Variants in ASPH observed in about 807,000 individuals in gnomAD.
ASPH encodes the protein aspartate beta-hydroxylase, also known as aspartyl/asparaginyl beta-hydroxylase.
Under a neutral mutation model 118.4 loss-of-function variants are expected in ASPH, and 100 were observed. That is an observed-to-expected ratio of 0.84 (90% confidence interval 0.72 to 1.00). ASPH has a LOEUF of 1.00. Among genes scored for constraint, ASPH ranks in the 50% least tolerant of loss-of-function variants. ASPH has a pLI of 0.00. For synonymous variants in ASPH, 315 were observed against 325.6 expected, an observed-to-expected ratio of 0.97 and a Z score of 0.35; for missense variants, 920 against 919.5, an observed-to-expected ratio of 1.00 and a Z score of -0.01.
intron 22 of ASPH, among the ~76,000 whole-genome samples, chr8:61,521,118 C>T (rs552032851): frequency 6.6e-6 from 1 of 152,142 alleles, no homozygotes; most frequent in Admixed American, 6.5e-5. Flanking sequence ...ATGAGAGTGC[C>T]TCATTTGATG....
intron 1 of ASPH, among the ~76,000 whole-genome samples, chr8:61,688,693 C>T (rs1167979963): frequency 6.6e-6 from 1 of 152,160 alleles, no homozygotes; most frequent in African/African-American, 2.4e-5. Context: ...TTTTTCCATG[C>T]TATAAAATGT....
At chr8:61,644,191 G>A (rs1480320369) in intron 7 of ASPH, among the ~76,000 whole-genome samples, 190 bp from the exon 8 acceptor site, 1 of 152,236 alleles carries the variant, frequency 6.6e-6, no homozygotes, top group African/African-American at 2.4e-5. Context: ...GATGAGTAAG[G>A]GGGGCCTGTC....
chr8:61,655,751 C>T (rs1813350188), intron 3 of ASPH, among the ~76,000 whole-genome samples: 1 of 151,982 alleles, frequency 6.6e-6, no homozygotes, highest in African/African-American at 2.4e-5. Context: ...AGCAAAAGCA[C>T]AGAGCAAAAA....
chr8:61,570,484 A>G (rs1184987784), intron 16 of ASPH, among the ~76,000 whole-genome samples: 1 of 152,184 alleles, frequency 6.6e-6, no homozygotes, highest in Non-Finnish European at 1.5e-5. Flanking sequence ...TGGAATAAAC[A>G]TCTTTAAACT....
chr8:61,504,482 C>T (rs936011614), intron 24 of ASPH, among the ~76,000 whole-genome samples: 8 of 152,044 alleles, frequency 5.3e-5, no homozygotes, highest in South Asian at 4.1e-4. Flanking sequence ...GTTTTCTGTG[C>T]GAAAACTAGT....
intron 3 of ASPH, among the ~76,000 whole-genome samples, chr8:61,655,333 G>A (rs1373247254): frequency 6.6e-6 from 1 of 152,124 alleles, no homozygotes; most frequent in African/African-American, 2.4e-5. Context: ...CCGTATTTCT[G>A]CTCCAGCATC....
chr8:61,617,932 C>CAAAAAAA (rs10674052), intron 14 of ASPH, among the ~76,000 whole-genome samples: 2 of 87,864 alleles, frequency 2.3e-5, no homozygotes, highest in Admixed American at 1.3e-4. Context: ...GACGCCATCT[C>CAAAAAAA]AAAAAAAAAA....
At chr8:61,539,925 G>C (rs1347823843) in intron 21 of ASPH, among the ~76,000 whole-genome samples, 5 of 152,024 alleles carry the variant, frequency 3.3e-5, no homozygotes, top group Non-Finnish European at 7.4e-5. Context: ...AGCTTTAATG[G>C]CTTTTCTCTA....
chr8:61,650,518 C>G (rs1309501532), intron 5 of ASPH, among the ~76,000 whole-genome samples: 1 of 152,094 alleles, frequency 6.6e-6, no homozygotes, highest in Non-Finnish European at 1.5e-5. Flanking sequence ...AACGTTAGTT[C>G]CTGGGTTATT....
intron 14 of ASPH, among the ~76,000 whole-genome samples, chr8:61,597,209 A>AC (rs1842738139): frequency 6.6e-6 from 1 of 150,862 alleles, no homozygotes; most frequent in Non-Finnish European, 1.5e-5. Context: ...AAAAAAAAAA[A>AC]AAAAAACAAT....
intron 21 of ASPH, among the ~76,000 whole-genome samples, chr8:61,540,918 C>G (rs755889720): frequency 6.6e-6 from 1 of 151,496 alleles, no homozygotes; most frequent in Admixed American, 6.6e-5. Context: ...CATGGTGAAA[C>G]GCCATCTTTA....
intron 16 of ASPH, among the ~76,000 whole-genome samples, chr8:61,576,285 C>A (rs1161519030): frequency 6.6e-6 from 1 of 152,090 alleles, no homozygotes; most frequent in African/African-American, 2.4e-5. Context: ...TAGAAAAAGC[C>A]AGATAAGAAA....
intron 15 of ASPH, chr8:61,579,121 G>T (rs1278650025): frequency 7.4e-6 from 12 of 1,611,070 alleles, no homozygotes; most frequent in Non-Finnish European, 1.0e-5. Context: ...GATGACCTGT[G>T]GCGCACAAAG....
chr8:61,707,032 A>C (rs148564336), intron 1 of ASPH, among the ~76,000 whole-genome samples: 133 of 152,350 alleles, frequency 8.7e-4, no homozygotes, highest in African/African-American at 2.8e-3. Flanking sequence ...TTTAGAGGAA[A>C]ATACAAGAAT....
intron 2 of ASPH, chr8:61,682,533 A>G: frequency 6.5e-7 from 1 of 1,527,392 alleles, no homozygotes; most frequent in Non-Finnish European, 9.1e-7. Flanking sequence ...TAAAGGTACA[A>G]ATACTTAAAG....
chr8:61,680,892 T>G (rs771295526), intron 3 of ASPH, 76 bp downstream of exon 3: 3 of 1,255,438 alleles, frequency 2.4e-6, no homozygotes, highest in Non-Finnish European at 3.4e-6. Context: ...ACTATTGAGA[T>G]AGATATTATT....
intron 14 of ASPH, among the ~76,000 whole-genome samples, chr8:61,615,971 C>T (rs1279113735): frequency 6.6e-6 from 1 of 152,082 alleles, no homozygotes; most frequent in Non-Finnish European, 1.5e-5. Context: ...ATGGAATTTC[C>T]ACAGCTCACA....
At chr8:61,684,512 A>G (rs1829617225) in intron 1 of ASPH, 1 of 192,022 alleles carries the variant, frequency 5.2e-6, no homozygotes, top group Non-Finnish European at 1.1e-5. Context: ...GCACATAAAC[A>G]ACTTAATGAA....
At chr8:61,589,814 G>A (rs568205214) in intron 14 of ASPH, among the ~76,000 whole-genome samples, 95 of 152,294 alleles carry the variant, frequency 6.2e-4, no homozygotes, top group African/African-American at 1.9e-3. Context: ...GGAGGTTATA[G>A]TCTTTTGGGG....
Sources: allele counts gnomAD v4.1 joint callset (sites outside exome capture counted in the v4.1 genomes callset), GRCh38; gene constraint gnomAD v4.1.1; transcripts MANE v1.5; gene names NCBI Gene and HGNC (gene_info 2026-07-23, HGNC 2026-07-21).